Variants in DENND2A observed in about 807,000 individuals in gnomAD.
DENND2A encodes the protein DENN domain-containing protein 2A.
DENND2A carries 53 observed loss-of-function variants against 105.3 expected under a neutral mutation model. That is an observed-to-expected ratio of 0.50 (90% confidence interval 0.40 to 0.63). The LOEUF (loss-of-function observed/expected upper bound fraction) is 0.63. DENND2A is among the 30% of genes least tolerant of loss of function. The pLI is 0.00. For missense variants in DENND2A, 1,138 were observed against 1,279.6 expected (o/e 0.89, Z 1.69); for synonymous variants, 522 against 508.4 (o/e 1.03, Z -0.36).
chr7:140,604,016 G>A (rs190479165), intron 2 of DENND2A, among the ~76,000 whole-genome samples: 158 of 152,362 alleles, frequency 1.0e-3, no homozygotes, highest in African/African-American at 3.6e-3. Flanking sequence ...TAACAAGAAT[G>A]AGAGTATCTG....
At position 140,521,836 on chromosome 7, in the gene DENND2A, C is replaced by T. The variant is rs757300615; in HGVS notation, c.2911+19G>A. 8.1e-6 allele frequency: 13 copies of T among 1,612,764 alleles called. No individual in the cohort carries two copies. In the South Asian group the frequency reaches 8.8e-5, roughly 11 times the overall value. On this transcript the variant is annotated intron_variant, in intron 18 of 19. Transcript: ENST00000496613. ...GGAGCTCTAGCTGACTCGGCCCCAA[C>T]AGAGAAGATGCCCCTCACCTTTGGC...
intron 9 of DENND2A, among the ~76,000 whole-genome samples, chr7:140,561,967 G>T (rs894393417): frequency 6.6e-6 from 1 of 151,692 alleles, no homozygotes; most frequent in Non-Finnish European, 1.5e-5. Context: ...TCGGCTCACT[G>T]CAACCTCCAC....
chr7:140,555,866 T>C (rs1376525862), intron 11 of DENND2A, among the ~76,000 whole-genome samples, 153 bp from the exon 12 acceptor site: 3 of 152,202 alleles, frequency 2.0e-5, no homozygotes, highest in African/African-American at 4.8e-5. Context: ...TCCCATTGTG[T>C]TTATTATAAT....
rs374727247 is a variant in DENND2A, at chr7:140,544,833, C to T, written c.2179-67G>A. On this transcript the variant is annotated intron_variant, in intron 13 of 19. Coordinates refer to ENST00000496613, the MANE Select transcript of DENND2A (RefSeq NM_015689.5). ...ACGCAGCCAGGCCTCTCACGGGTGT[C>T]GCAGTCCCAGGGCTCTGAGGTCCTC... is the stretch of plus-strand genomic sequence containing the variant. 2.5e-4 allele frequency: 393 copies of T among 1,545,790 alleles called. 1 individual carries two copies. In the African/African-American group the frequency reaches 3.2e-3, roughly 12 times the overall value.
chr7:140,623,945 G>C (rs1563184797), intron 1 of DENND2A, among the ~76,000 whole-genome samples: 1 of 152,168 alleles, frequency 6.6e-6, no homozygotes, highest in African/African-American at 2.4e-5. Flanking sequence ...ACCTTCTTCA[G>C]TTCTTGTTTG....
At chr7:140,639,606 G>C (rs908696301) in intron 1 of DENND2A, among the ~76,000 whole-genome samples, 2 of 152,146 alleles carry the variant, frequency 1.3e-5, no homozygotes, top group Non-Finnish European at 2.9e-5. Context: ...TAACCACAGA[G>C]GGTTTAAGAG....
chr7:140,550,450 C>T (rs1797085168), intron 12 of DENND2A, among the ~76,000 whole-genome samples: 1 of 152,100 alleles, frequency 6.6e-6, no homozygotes, highest in Non-Finnish European at 1.5e-5. Flanking sequence ...CTCTGCTTGC[C>T]AGGTTCAAGC....
At chr7:140,557,511 A>G (rs796321879) in intron 11 of DENND2A, among the ~76,000 whole-genome samples, 2 of 17,002 alleles carry the variant, frequency 1.2e-4, no homozygotes, top group African/African-American at 2.4e-4. Flanking sequence ...ATTTTTTAGT[A>G]TATATATATA....
intron 8 of DENND2A, 30 bp from the exon 9 acceptor site, chr7:140,567,303 A>AT (rs763966797): frequency 2.6e-6 from 2 of 779,136 alleles, no homozygotes; most frequent in Non-Finnish European, 3.4e-6. Flanking sequence ...AGAAAGAGAG[A>AT]AAGAGAGAGA....
At chr7:140,519,830 C>G in intron 18 of DENND2A, 112 bp from the exon 19 acceptor site, 2 of 913,390 alleles carry the variant, frequency 2.2e-6, no homozygotes, top group South Asian at 1.4e-5. Context: ...GACTAAGCTG[C>G]TCCTATAAAC....
At chr7:140,614,324 CGAACTCCTGGCCT>C (rs1800008730) in intron 1 of DENND2A, among the ~76,000 whole-genome samples, 1 of 152,078 alleles carries the variant, frequency 6.6e-6, no homozygotes, top group Non-Finnish European at 1.5e-5. Flanking sequence ...AGGCTGGTCT[CGAACTCCTGGCCT>C]CAAGTGATCC....
chr7:140,580,152 G>A (rs1311401984), intron 5 of DENND2A, among the ~76,000 whole-genome samples: 1 of 152,018 alleles, frequency 6.6e-6, no homozygotes, highest in African/African-American at 2.4e-5. Flanking sequence ...GAAAATAGAG[G>A]CATAAAGAAA....
Position 140,601,971 on chromosome 7 carries a change from G to A in DENND2A, c.427C>T (p.Arg143Ter). Residue 143 changes from arginine (R) to a stop codon, truncating the protein, a stop_gained, in exon 3 of 20, where the codon CGA becomes TGA. Transcript: ENST00000496613. LOFTEE classifies it high-confidence loss of function. The stretch of plus-strand genomic sequence containing the variant: ...CGTAGCTTGCCAAGTCTTGGCTCTC[G>A]GCCTCGGCCCCAGCTAGGATCCACT... ...REVDPSWGRG[R>*]EPRLGKLRFQ... 6.2e-7 allele frequency: 1 copy of A among 1,614,188 alleles called. No homozygotes were observed.
Position 140,587,732 on chromosome 7 carries a change from G to C in DENND2A, c.1044C>G (p.Ser348Arg). The C allele has an allele frequency of 6.2e-7, 1 of 1,610,874 alleles. No homozygotes were observed. Among genetic ancestry groups the C allele is most frequent in the Non-Finnish European group, 8.5e-7 (1 of 1,177,548 alleles). ...EDLLQSSSESSRVDWYAQTKL... is the reference protein window; with the variant it reads ...EDLLQSSSESRRVDWYAQTKL... The stretch of plus-strand genomic sequence containing the variant: ...TAGTCTGCGCGTACCAGTCCACCCT[G>C]CTGCTCTCAGAGGAAGACTGCAGTA... The change falls in exon 4 of 20, where the codon AGC becomes AGG. Residue 348 changes from serine to arginine, a missense_variant. Transcript: ENST00000496613.
rs1204204255 is a variant in DENND2A, at chr7:140,555,589, C to T, written c.2037+47G>A. 10 of 1,551,068 alleles carry T rather than the reference C, an allele frequency of 6.4e-6. No individual in the cohort carries two copies. In the South Asian group the frequency reaches 1.0e-4, roughly 16 times the overall value. On this transcript the variant is annotated intron_variant, in intron 12 of 19. Coordinates refer to ENST00000496613, the MANE Select transcript of DENND2A (RefSeq NM_015689.5). ...GGGTATTCCCTGGAGCCCTCTAGAGCCCTCCCGTTCCTTCCCTTCCTCTTT... is the reference window on the plus strand; with the variant it reads ...GGGTATTCCCTGGAGCCCTCTAGAGTCCTCCCGTTCCTTCCCTTCCTCTTT...
chr7:140,632,319 C>G (rs1046794698), intron 1 of DENND2A, among the ~76,000 whole-genome samples: 5 of 152,092 alleles, frequency 3.3e-5, no homozygotes, highest in Non-Finnish European at 5.9e-5. Context: ...CCTTGGACTA[C>G]CCACCTGGCT....
rs1446409728 is a variant in DENND2A, at chr7:140,632,046, T to C, written c.-248+8458A>G. ...CCCCAACCAAGTTCAACCTGGACCATGCCGGGTCAGTCTGAATTGTGATTT... is the reference window on the plus strand; with the variant it reads ...CCCCAACCAAGTTCAACCTGGACCACGCCGGGTCAGTCTGAATTGTGATTT... On this transcript the variant is annotated intron_variant, in intron 1 of 19. Coordinates refer to ENST00000496613, the MANE Select transcript of DENND2A (RefSeq NM_015689.5). Among the ~76,000 whole-genome samples the C allele has an allele frequency of 2.0e-5, 3 of 152,166 alleles. No individual in the cohort carries two copies. In the East Asian group the frequency reaches 5.8e-4, roughly 29 times the overall value.
intron 5 of DENND2A, among the ~76,000 whole-genome samples, chr7:140,585,006 A>C (rs1242017691): frequency 6.6e-6 from 1 of 152,134 alleles, no homozygotes; most frequent in Non-Finnish European, 1.5e-5. Flanking sequence ...CAAGATTAGC[A>C]TGGCCAACAT....
At chr7:140,584,418 T>G (rs1798688530) in intron 5 of DENND2A, among the ~76,000 whole-genome samples, 1 of 151,526 alleles carries the variant, frequency 6.6e-6, no homozygotes, top group South Asian at 2.1e-4. Flanking sequence ...TTAGAGAGAG[T>G]GCGCATGTCC....
Sources: allele counts gnomAD v4.1 joint callset (sites outside exome capture counted in the v4.1 genomes callset), GRCh38; gene constraint gnomAD v4.1.1; transcripts MANE v1.5; gene names NCBI Gene and HGNC (gene_info 2026-07-23, HGNC 2026-07-21).